The following DIP2C variants were observed in gnomAD, a reference collection of about 807,000 sequenced individuals.
The protein encoded by DIP2C is DIP2 acetate--CoA ligase C (putative), also known as disco-interacting protein 2 homolog C.
Under a neutral mutation model 192.4 loss-of-function variants are expected in DIP2C, and 33 were observed. The ratio of observed to expected loss-of-function variants is 0.17; its 90% CI spans 0.13 to 0.23. The LOEUF is 0.23. DIP2C is among the 10% of genes least tolerant of loss of function. The pLI, the probability that DIP2C is intolerant of heterozygous loss-of-function variation, is 1.00. For synonymous variants in DIP2C, 979 were observed against 864.1 expected, an observed-to-expected ratio of 1.13 and a Z score of -2.33; for missense variants, 1,537 against 2,110.1, an observed-to-expected ratio of 0.73 and a Z score of 5.32.
At chr10:614,858 G>A (rs1350497017) in intron 1 of DIP2C, among the ~76,000 whole-genome samples, 3 of 152,262 alleles carry the variant, frequency 2.0e-5, no homozygotes, top group Admixed American at 1.3e-4. Flanking sequence ...TCATCATAAG[G>A]AAAAGCACTC....
intron 10 of DIP2C, among the ~76,000 whole-genome samples, chr10:397,781 G>GT (rs1564660146): frequency 1.3e-5 from 2 of 152,190 alleles, no homozygotes; most frequent in African/African-American, 4.8e-5. Context: ...TGGTATGAGC[G>GT]TAAGCCAAAA....
chr10:310,460 T>C (rs1956520989), intron 31 of DIP2C, among the ~76,000 whole-genome samples: 1 of 152,208 alleles, frequency 6.6e-6, no homozygotes, highest in African/African-American at 2.4e-5. Context: ...TTTTACCACA[T>C]GCATCCACCT....
intron 13 of DIP2C, among the ~76,000 whole-genome samples, chr10:389,727 C>A (rs1313589534): frequency 3.3e-5 from 5 of 152,224 alleles, no homozygotes; most frequent in African/African-American, 9.6e-5. Flanking sequence ...TGGAAGAGAC[C>A]CCCACTGGGA....
chr10:283,528 G>T, intron 34 of DIP2C, 82 bp from the exon 35 acceptor site: 3 of 1,500,638 alleles, frequency 2.0e-6, no homozygotes, highest in South Asian at 1.2e-5. Flanking sequence ...TGACAATTCA[G>T]TACATTATAT....
rs893246947 is a variant in DIP2C at position 341,227 on chromosome 10, G to C, written c.3556C>G (p.Leu1186Val). The C allele has an allele frequency of 4.3e-6, 7 of 1,614,072 alleles. No individual in the cohort carries two copies. Among genetic ancestry groups the C allele is most frequent in the Non-Finnish European group, 5.9e-6 (7 of 1,180,036 alleles). The stretch of plus-strand genomic sequence containing the variant: ...CAGAGGCACCAGAGGACAAATCCCA[G>C]TCCACAGTAAGGGTCCAGGCAGATG... ...VAICLDPYCG[L>V]GFVLWCLCSV... Residue 1186 changes from leucine to valine, a missense_variant, in exon 29 of 37, where the codon CTG (leucine) becomes GTG (valine). Transcript: ENST00000280886.
intron 1 of DIP2C, among the ~76,000 whole-genome samples, chr10:607,061 C>T (rs976778868): frequency 1.3e-5 from 2 of 152,220 alleles, no homozygotes; most frequent in Admixed American, 6.5e-5. Flanking sequence ...CCTTAACGTC[C>T]GTACATGCCT....
At chr10:360,728 A>G (rs912482666) in intron 22 of DIP2C, among the ~76,000 whole-genome samples, 6 of 152,216 alleles carry the variant, frequency 3.9e-5, no homozygotes, top group African/African-American at 1.4e-4. Flanking sequence ...TGCTGAGTTA[A>G]AGGTCTCTTA....
chr10:468,675 G>A (rs913019150), intron 3 of DIP2C, among the ~76,000 whole-genome samples: 3 of 152,132 alleles, frequency 2.0e-5, no homozygotes, highest in East Asian at 3.8e-4. Context: ...CAGGAGAATC[G>A]CTTGAACCCA....
intron 1 of DIP2C, among the ~76,000 whole-genome samples, chr10:621,934 GTT>G (rs1183995053): frequency 9.9e-5 from 15 of 151,872 alleles, no homozygotes; most frequent in Non-Finnish European, 1.5e-5. Flanking sequence ...AAACCAAATG[GTT>G]TTGTTTGTTT....
intron 32 of DIP2C, among the ~76,000 whole-genome samples, chr10:305,993 AT>A (rs1409705801): frequency 7.0e-6 from 1 of 142,698 alleles, no homozygotes; most frequent in Non-Finnish European, 1.5e-5. Context: ...ATATATATAT[AT>A]TATATTTTTT....
At chr10:635,733 C>T (rs1283338083) in intron 1 of DIP2C, among the ~76,000 whole-genome samples, 1 of 152,220 alleles carries the variant, frequency 6.6e-6, no homozygotes, top group African/African-American at 2.4e-5. Flanking sequence ...ACTGGGCGCT[C>T]AGGCTGGAGG....
At chr10:398,398 C>T (rs978066741) in intron 10 of DIP2C, among the ~76,000 whole-genome samples, 2 of 152,194 alleles carry the variant, frequency 1.3e-5, no homozygotes, top group Non-Finnish European at 2.9e-5. Context: ...CCACCTGTGA[C>T]CTGGAAGGCC....
chr10:367,268 G>T lies in DIP2C; in HGVS notation c.2132-857C>A, dbSNP rs370974172. Among the ~76,000 whole-genome samples, 891 of 152,142 alleles carry T rather than the reference G, an allele frequency of 5.9e-3. 11 individuals are homozygous for T. In the East Asian group the frequency reaches 0.065, roughly 11 times the overall value. On this transcript the variant is annotated intron_variant, in intron 18 of 36. Transcript: ENST00000280886. Reference sequence around the variant, plus strand: ...CCGTCTCTACTAAAAATACAAAAAAGTAGCCGGGCGCAGTGGCGGGCGCCT... The same window carrying T: ...CCGTCTCTACTAAAAATACAAAAAATTAGCCGGGCGCAGTGGCGGGCGCCT...
chr10:651,016 A>G lies in DIP2C; in HGVS notation c.85+38478T>C. On this transcript the variant is annotated intron_variant, in intron 1 of 36. Coordinates refer to ENST00000280886, the MANE Select transcript of DIP2C (RefSeq NM_014974.3). The surrounding 1 kb of genome is among the most constrained non-coding windows in gnomAD (Gnocchi z 4.1). ...CTCCCGGTGCCAGGGCTCAGGCCCC[A>G]GCCCCCGTTTCTGCAGAAGCCCCTT... The G allele has an allele frequency of 1.4e-6, 1 of 717,294 alleles. No individual in the cohort carries two copies. Among genetic ancestry groups the G allele is most frequent in the Non-Finnish European group, 2.6e-6 (1 of 385,060 alleles). The allele number at this position is 717,294 out of a possible 1,614,324, so 44.4% of individuals were successfully genotyped here. A position where few individuals can be genotyped will look rare whatever the true frequency, so the allele number is the denominator to read the frequency against.
intron 1 of DIP2C, among the ~76,000 whole-genome samples, chr10:645,775 G>T (rs907093904): frequency 6.6e-6 from 1 of 152,108 alleles, no homozygotes; most frequent in South Asian, 2.1e-4. Flanking sequence ...GAATGGGGGG[G>T]GCTATTTTGC....
chr10:446,087 G>C (rs1056673955), intron 3 of DIP2C, among the ~76,000 whole-genome samples: 7 of 151,062 alleles, frequency 4.6e-5, no homozygotes, highest in African/African-American at 1.2e-4. Flanking sequence ...GTATACGTCT[G>C]TTGCAAAGAG....
chr10:593,411 C>T (rs550207384), intron 1 of DIP2C, among the ~76,000 whole-genome samples: 60 of 151,904 alleles, frequency 3.9e-4, no homozygotes, highest in South Asian at 1.7e-3. Flanking sequence ...ACTGCCTTCA[C>T]ACCTCACCCC....
intron 23 of DIP2C, among the ~76,000 whole-genome samples, chr10:357,507 G>A (rs911116976): frequency 3.9e-5 from 6 of 152,218 alleles, no homozygotes; most frequent in Non-Finnish European, 7.3e-5. Flanking sequence ...ACCCCTCACC[G>A]ATTTCTGCAT....
chr10:557,323 G>A (rs897854501), intron 1 of DIP2C, among the ~76,000 whole-genome samples: 6 of 152,098 alleles, frequency 3.9e-5, no homozygotes, highest in African/African-American at 1.4e-4. Context: ...TGACTCAGGG[G>A]GACAGGGCCA....
Sources: gnomAD v4.1 joint callset for allele counts (sites outside exome capture counted in the v4.1 genomes callset) on GRCh38, gnomAD v4.1.1 for gene constraint, Gnocchi (gnomAD v3.1) non-coding constraint, MANE v1.5 for transcripts, NCBI Gene and HGNC (gene_info 2026-07-23, HGNC 2026-07-21) for gene names.